Variants in SYK observed in about 807,000 individuals in gnomAD.
SYK encodes the protein tyrosine-protein kinase SYK.
SYK carries 16 observed loss-of-function variants against 77.8 expected under a neutral mutation model. The observed-to-expected ratio is 0.21, with a 90% CI of 0.14 to 0.31. The LOEUF (loss-of-function observed/expected upper bound fraction) is 0.31. SYK is among the 10% of genes least tolerant of loss of function. SYK has a pLI of 1.00. For synonymous variants in SYK, 312 were observed against 308.7 expected (o/e 1.01, Z -0.11); for missense variants, 529 against 814.4 (o/e 0.65, Z 4.26).
chr9:90,868,337 G>A (rs1439570657), intron 7 of SYK, among the ~76,000 whole-genome samples: 1 of 152,136 alleles, frequency 6.6e-6, no homozygotes, highest in Non-Finnish European at 1.5e-5. Flanking sequence ...TTAGACTACA[G>A]GAGAACATGT....
intron 13 of SYK, among the ~76,000 whole-genome samples, chr9:90,892,481 A>G (rs565681120): frequency 6.6e-6 from 1 of 152,332 alleles, no homozygotes; most frequent in South Asian, 2.1e-4. Context: ...ACTCAAAATA[A>G]TCAATATCCC....
chr9:90,859,735 C>A (rs1378658989), intron 3 of SYK, among the ~76,000 whole-genome samples: 2 of 152,188 alleles, frequency 1.3e-5, no homozygotes, highest in Non-Finnish European at 2.9e-5. Context: ...CCTTGCTGCT[C>A]CCCACTCTCA....
intron 1 of SYK, among the ~76,000 whole-genome samples, chr9:90,834,649 T>C (rs1469518473): frequency 2.6e-5 from 4 of 152,200 alleles, no homozygotes; most frequent in Non-Finnish European, 5.9e-5. Context: ...AGAACAAGCT[T>C]ATCCAACCCA....
At chr9:90,857,499 T>A (rs1827086846) in intron 3 of SYK, among the ~76,000 whole-genome samples, 1 of 152,216 alleles carries the variant, frequency 6.6e-6, no homozygotes, top group African/African-American at 2.4e-5. Flanking sequence ...GACAGGTGTG[T>A]TAAAACAGCT....
intron 1 of SYK, among the ~76,000 whole-genome samples, chr9:90,807,394 G>T (rs1420748221): frequency 6.6e-6 from 1 of 152,174 alleles, no homozygotes; most frequent in Non-Finnish European, 1.5e-5. Flanking sequence ...TTGTAGCTAC[G>T]GGTTGAGAGT....
rs201438493 is a variant in SYK at position 90,877,623 on chromosome 9, G to A, written c.1234G>A (p.Ala412Thr). Reference sequence around the variant, plus strand: ...ACTGAAAAACGAGGCCAATGACCCCGCTCTTAAAGATGAGTTATTAGCAGA... The same window carrying A: ...ACTGAAAAACGAGGCCAATGACCCCACTCTTAAAGATGAGTTATTAGCAGA... ...KILKNEANDP[A>T]LKDELLAEAN... Residue 412 changes from alanine to threonine, a missense_variant, in exon 10 of 14, where the codon GCT (alanine) becomes ACT (threonine). By Grantham distance (58) the Ala-to-Thr change is moderately conservative. Coordinates refer to ENST00000375754, the MANE Select transcript of SYK (RefSeq NM_003177.7). 69 of 1,614,216 alleles carry A rather than the reference G, an allele frequency of 4.3e-5. No individual in the cohort carries two copies. Among genetic ancestry groups the A allele is most frequent in the Non-Finnish European group, 5.3e-5 (63 of 1,180,032 alleles).
At chr9:90,869,551 A>G (rs2118842309) in intron 7 of SYK, among the ~76,000 whole-genome samples, 1 of 152,338 alleles carries the variant, frequency 6.6e-6, no homozygotes, top group East Asian at 1.9e-4. Flanking sequence ...AGTCATGAGA[A>G]AAGAATTGTG....
At chr9:90,838,145 C>T (rs914256788) in intron 1 of SYK, among the ~76,000 whole-genome samples, 6 of 152,066 alleles carry the variant, frequency 3.9e-5, no homozygotes, top group Admixed American at 6.5e-5. Flanking sequence ...CAAGGGGGGA[C>T]GTCAGATAAG....
chr9:90,860,847 A>G (rs1019570956), intron 3 of SYK, among the ~76,000 whole-genome samples: 15 of 152,034 alleles, frequency 9.9e-5, no homozygotes, highest in African/African-American at 3.6e-4. Flanking sequence ...CGTGTATCTG[A>G]CTTCTTGCAA....
At chr9:90,890,136 T>A (rs1381936298) in intron 13 of SYK, among the ~76,000 whole-genome samples, 1 of 152,200 alleles carries the variant, frequency 6.6e-6, no homozygotes, top group Non-Finnish European at 1.5e-5. Context: ...CTTTGTGGTG[T>A]GTGTTTAACA....
chr9:90,817,212 G>A (rs1825322313), intron 1 of SYK, among the ~76,000 whole-genome samples: 1 of 152,074 alleles, frequency 6.6e-6, no homozygotes, highest in Non-Finnish European at 1.5e-5. Context: ...CTGCTCTAGA[G>A]GTTCCTGGAT....
At chr9:90,872,617 T>C (rs1466220290) in intron 7 of SYK, among the ~76,000 whole-genome samples, 2 of 152,232 alleles carry the variant, frequency 1.3e-5, no homozygotes, top group East Asian at 3.8e-4. Context: ...TAATCATATG[T>C]AAATGTTTAA....
At chr9:90,891,407 T>C (rs977164552) in intron 13 of SYK, among the ~76,000 whole-genome samples, 1 of 152,066 alleles carries the variant, frequency 6.6e-6, no homozygotes, top group Non-Finnish European at 1.5e-5. Context: ...TCAGCCTTGT[T>C]GCCTGCTTTT....
intron 13 of SYK, among the ~76,000 whole-genome samples, chr9:90,893,415 T>C (rs1481607061): frequency 1.3e-5 from 2 of 152,200 alleles, no homozygotes; most frequent in Non-Finnish European, 2.9e-5. Context: ...TTTTTCATTT[T>C]TTCCTCAGTA....
At chr9:90,863,584 T>C (rs1390760898) in intron 4 of SYK, among the ~76,000 whole-genome samples, 1 of 152,262 alleles carries the variant, frequency 6.6e-6, no homozygotes, top group African/African-American at 2.4e-5. Context: ...ACATTGTCTT[T>C]TGATTTTGTG....
chr9:90,851,764 A>G (rs181320477), intron 3 of SYK, among the ~76,000 whole-genome samples: 1 of 152,326 alleles, frequency 6.6e-6, no homozygotes, highest in Admixed American at 6.5e-5. Context: ...AGGAAAAGGA[A>G]ACAAAGCTTA....
chr9:90,863,943 A>T (rs1827368815), intron 4 of SYK, among the ~76,000 whole-genome samples: 1 of 152,190 alleles, frequency 6.6e-6, no homozygotes, highest in Admixed American at 6.5e-5. Flanking sequence ...ATTTGTATTG[A>T]TTCCCCTGGT....
intron 3 of SYK, among the ~76,000 whole-genome samples, chr9:90,854,864 T>C (rs532936964): frequency 3.7e-4 from 56 of 152,196 alleles, no homozygotes; most frequent in African/African-American, 1.3e-3. Context: ...ATCCCTTTTG[T>C]ACTAGCCAAG....
chr9:90,831,927 A>C (rs528118863), intron 1 of SYK, among the ~76,000 whole-genome samples: 3 of 152,218 alleles, frequency 2.0e-5, no homozygotes, highest in Non-Finnish European at 4.4e-5. Context: ...AAGTGCAAGA[A>C]GGTTGTGATG....
Sources: gnomAD v4.1 joint callset for allele counts (sites outside exome capture counted in the v4.1 genomes callset) on GRCh38, gnomAD v4.1.1 for gene constraint, MANE v1.5 for transcripts, NCBI Gene and HGNC (gene_info 2026-07-23, HGNC 2026-07-21) for gene names.